The following RAPGEF2 variants were observed in gnomAD, a reference collection of about 807,000 sequenced individuals.
The protein encoded by RAPGEF2 is Rap guanine nucleotide exchange factor 2.
In RAPGEF2, 54 loss-of-function variants were observed where a neutral mutation model predicts 186.7. That is an observed-to-expected ratio of 0.29 (90% CI 0.23 to 0.36). RAPGEF2 has a LOEUF of 0.36. Among genes scored for constraint, RAPGEF2 ranks in the 10% least tolerant of loss-of-function variants. The pLI, the probability that RAPGEF2 is intolerant of heterozygous loss-of-function variation, is 1.00. For missense variants in RAPGEF2, 1,532 were observed against 2,045.0 expected, an observed-to-expected ratio of 0.75 and a Z score of 4.84; for synonymous variants, 712 against 705.9, an observed-to-expected ratio of 1.01 and a Z score of -0.14.
chr4:159,150,735 C>T lies in RAPGEF2; in HGVS notation c.70-35907C>T, dbSNP rs368093467. Among the ~76,000 whole-genome samples, 30 of 152,242 alleles carry T rather than the reference C, an allele frequency of 2.0e-4. No homozygotes were observed. In the East Asian group the frequency reaches 2.3e-3, roughly 12 times the overall value. ...TGGAAGTCCAGGAGTATTGACTGTT[C>T]GAGTTACAAATAAATTTTAGCAAGT... On this transcript the variant is annotated intron_variant, in intron 1 of 29. Coordinates refer to ENST00000691494, the MANE Select transcript of RAPGEF2 (RefSeq NM_001394067.2).
intron 4 of RAPGEF2, among the ~76,000 whole-genome samples, chr4:159,227,478 GC>G (rs947888442): frequency 6.6e-6 from 1 of 152,208 alleles, no homozygotes; most frequent in African/African-American, 2.4e-5. Flanking sequence ...GTGTCTACAT[GC>G]TGAAAAGAAA....
At chr4:159,118,177 A>C (rs1340753710) in intron 1 of RAPGEF2, among the ~76,000 whole-genome samples, 1 of 152,036 alleles carries the variant, frequency 6.6e-6, no homozygotes, top group African/African-American at 2.4e-5. Context: ...GTTTACAGCC[A>C]CTCCCCATCA....
chr4:159,162,575 A>T (rs1413490958), intron 1 of RAPGEF2, among the ~76,000 whole-genome samples: 1 of 152,198 alleles, frequency 6.6e-6, no homozygotes, highest in Non-Finnish European at 1.5e-5. Context: ...TCCTGCCTAC[A>T]TCTGCACAGT....
intron 3 of RAPGEF2, among the ~76,000 whole-genome samples, chr4:159,198,243 TCTTC>T (rs1441820441): frequency 7.8e-6 from 1 of 128,876 alleles, no homozygotes; most frequent in African/African-American, 3.0e-5. Context: ...TTTCTTTCTT[TCTTC>T]CTTTCTTTCT....
chr4:159,337,782 C>T (rs6849194), intron 17 of RAPGEF2, among the ~76,000 whole-genome samples: 17,856 of 148,072 alleles, frequency 0.12, 1,127 homozygotes, highest in Admixed American at 0.2. Context: ...CCCAGCTACT[C>T]AGGAGGCTGA....
chr4:159,233,587 A>G (rs1175431564), intron 4 of RAPGEF2, among the ~76,000 whole-genome samples: 1 of 152,156 alleles, frequency 6.6e-6, no homozygotes, highest in Non-Finnish European at 1.5e-5. Flanking sequence ...ATACAGAGGC[A>G]TAATAATGAC....
chr4:159,320,381 A>T (rs1765094172), intron 9 of RAPGEF2, among the ~76,000 whole-genome samples: 1 of 152,066 alleles, frequency 6.6e-6, no homozygotes. Context: ...CAGCACAGAC[A>T]CTCCTACTCA....
chr4:159,210,099 G>C (rs896285227), intron 3 of RAPGEF2, among the ~76,000 whole-genome samples: 1 of 152,160 alleles, frequency 6.6e-6, no homozygotes, highest in Non-Finnish European at 1.5e-5. Flanking sequence ...AAAGAATACC[G>C]AAGAAATAGT....
intron 9 of RAPGEF2, among the ~76,000 whole-genome samples, chr4:159,318,045 A>G (rs115925456): frequency 0.011 from 1,668 of 149,852 alleles, 36 homozygotes; most frequent in African/African-American, 0.04. Flanking sequence ...CAAATAAATA[A>G]AAAGCCATCT....
At chr4:159,115,058 C>T (rs1738894809) in intron 1 of RAPGEF2, among the ~76,000 whole-genome samples, 1 of 152,098 alleles carries the variant, frequency 6.6e-6, no homozygotes, top group Non-Finnish European at 1.5e-5. Flanking sequence ...CATTTTCCCC[C>T]TTGTATCTAT....
chr4:159,316,561 A>G (rs542930779), intron 9 of RAPGEF2, among the ~76,000 whole-genome samples: 4 of 152,212 alleles, frequency 2.6e-5, no homozygotes, highest in East Asian at 3.9e-4. Context: ...AGGTAAAAAC[A>G]TGTAGTATTT....
intron 1 of RAPGEF2, among the ~76,000 whole-genome samples, chr4:159,177,205 T>C (rs1423061172): frequency 7.4e-6 from 1 of 135,856 alleles, no homozygotes; most frequent in East Asian, 2.0e-4. Flanking sequence ...ATTATAAGAA[T>C]TCATTCAACT....
chr4:159,287,895 C>T (rs1277342674), intron 7 of RAPGEF2, among the ~76,000 whole-genome samples: 5 of 152,130 alleles, frequency 3.3e-5, no homozygotes, highest in Admixed American at 3.3e-4. Flanking sequence ...AATGAATCCT[C>T]AAGCTCTTCC....
chr4:159,189,768 A>G (rs1747926103), intron 2 of RAPGEF2, among the ~76,000 whole-genome samples: 1 of 151,916 alleles, frequency 6.6e-6, no homozygotes, highest in Non-Finnish European at 1.5e-5. Context: ...CATTTATGAC[A>G]TTTTCATATA....
intron 1 of RAPGEF2, among the ~76,000 whole-genome samples, chr4:159,180,277 C>CTTTCTTTCATTTTTCGGGGTCTGAG: frequency 6.6e-6 from 1 of 151,048 alleles, no homozygotes; most frequent in East Asian, 1.9e-4. Context: ...CTCTAGTAAA[C>CTTTCTTTCATTTTTCGGGGTCTGAG]TTTCTTTCAT....
At chr4:159,112,798 T>C (rs923079088) in intron 1 of RAPGEF2, among the ~76,000 whole-genome samples, 1 of 152,158 alleles carries the variant, frequency 6.6e-6, no homozygotes, top group African/African-American at 2.4e-5. Flanking sequence ...TAGATCAGTA[T>C]CATCAGGATA....
chr4:159,268,693 T>C (rs1757733430), intron 7 of RAPGEF2, among the ~76,000 whole-genome samples: 1 of 152,198 alleles, frequency 6.6e-6, no homozygotes, highest in African/African-American at 2.4e-5. Flanking sequence ...TTTCTTAACA[T>C]GTATTCATCA....
chr4:159,126,683 T>C (rs1740337233), intron 1 of RAPGEF2, among the ~76,000 whole-genome samples: 1 of 152,232 alleles, frequency 6.6e-6, no homozygotes, highest in Non-Finnish European at 1.5e-5. Context: ...CCCACACTTA[T>C]CCTTTTCCCC....
chr4:159,198,234 TTC>T (rs1271095517), intron 3 of RAPGEF2, among the ~76,000 whole-genome samples: 2 of 126,432 alleles, frequency 1.6e-5, no homozygotes, highest in Non-Finnish European at 3.5e-5. Flanking sequence ...TTATTTTCTT[TTC>T]TTTCTTTCTT....
Sources: gnomAD v4.1 joint callset for allele counts (sites outside exome capture counted in the v4.1 genomes callset) on GRCh38, gnomAD v4.1.1 for gene constraint, MANE v1.5 for transcripts, NCBI Gene and HGNC (gene_info 2026-07-23, HGNC 2026-07-21) for gene names.